The following TAS2R1 variants were observed in gnomAD, a reference collection of about 807,000 sequenced individuals.
TAS2R1 encodes the protein taste 2 receptor member 1, also known as taste receptor type 2 member 1.
For synonymous variants in TAS2R1, 141 were observed against 134.2 expected, an observed-to-expected ratio of 1.05 and a Z score of -0.35; for missense variants, 370 against 353.4, an observed-to-expected ratio of 1.05 and a Z score of -0.38.
the TAS2R1 span, among the ~76,000 whole-genome samples, chr5:9,858,427 G>A: frequency 6.6e-6 from 1 of 152,162 alleles, no homozygotes; most frequent in African/African-American, 2.4e-5. Context: ...GAAGTTGGGG[G>A]CAGTGATGCA....
At chr5:9,775,573 C>G in the TAS2R1 span, among the ~76,000 whole-genome samples, 1 of 152,186 alleles carries the variant, frequency 6.6e-6, no homozygotes, top group Non-Finnish European at 1.5e-5. Context: ...GAGTCTCACC[C>G]AGGGCCCACA....
At chr5:9,845,077 A>T in the TAS2R1 span, among the ~76,000 whole-genome samples, 1 of 152,152 alleles carries the variant, frequency 6.6e-6, no homozygotes, top group African/African-American at 2.4e-5. Context: ...TTGAAGCCCT[A>T]ATGCCCAATG....
At chr5:9,646,444 G>A (rs1005926063) in intron 2 of TAS2R1, among the ~76,000 whole-genome samples, 1 of 152,146 alleles carries the variant, frequency 6.6e-6, no homozygotes, top group South Asian at 2.1e-4. Flanking sequence ...ATATGTGGCT[G>A]CACAACCATT....
chr5:9,734,775 C>T, the TAS2R1 span, among the ~76,000 whole-genome samples: 3,479 of 151,738 alleles, frequency 0.023, 164 homozygotes, highest in African/African-American at 0.071. Flanking sequence ...ACAGGCCACA[C>T]CCCCCACCAC....
chr5:9,656,887 T>C (rs1294637718), intron 2 of TAS2R1, among the ~76,000 whole-genome samples: 1 of 152,222 alleles, frequency 6.6e-6, no homozygotes, highest in Non-Finnish European at 1.5e-5. Context: ...GTTAATGGCA[T>C]CTCTTTGTTC....
chr5:9,718,173 G>A, the TAS2R1 span, among the ~76,000 whole-genome samples: 2 of 148,652 alleles, frequency 1.3e-5, no homozygotes, highest in African/African-American at 5.0e-5. Flanking sequence ...GTTTCGCCGT[G>A]TTGGCCAGGA....
the TAS2R1 span, among the ~76,000 whole-genome samples, chr5:9,861,409 T>C: frequency 2.2e-4 from 34 of 152,220 alleles, no homozygotes; most frequent in African/African-American, 7.0e-4. Flanking sequence ...GTTTGGATCA[T>C]TGACAGGCAA....
At chr5:9,777,025 C>G in the TAS2R1 span, among the ~76,000 whole-genome samples, 1 of 152,298 alleles carries the variant, frequency 6.6e-6, no homozygotes. Flanking sequence ...ATCATCTGAG[C>G]CTTCAGCAAG....
At chr5:9,655,299 A>C (rs1740387436) in intron 2 of TAS2R1, among the ~76,000 whole-genome samples, 2 of 152,294 alleles carry the variant, frequency 1.3e-5, no homozygotes, top group East Asian at 1.9e-4. Flanking sequence ...TATGTATCTC[A>C]ATAAAAATTA....
At chr5:9,873,943 G>A in the TAS2R1 span, among the ~76,000 whole-genome samples, 1 of 149,142 alleles carries the variant, frequency 6.7e-6, no homozygotes, top group Non-Finnish European at 1.5e-5. Context: ...GTAGGGGAGG[G>A]GGAGACAGAA....
the TAS2R1 span, among the ~76,000 whole-genome samples, chr5:9,750,969 T>A: frequency 2.0e-5 from 3 of 151,834 alleles, no homozygotes; most frequent in Non-Finnish European, 4.4e-5. Context: ...ACGTATATGA[T>A]GATTGATTAA....
chr5:9,890,773 C>A, the TAS2R1 span, among the ~76,000 whole-genome samples: 17,756 of 152,168 alleles, frequency 0.12, 1,255 homozygotes, highest in African/African-American at 0.2. Context: ...AGTGAAATTT[C>A]TTGACCCTGT....
chr5:9,735,463 A>C, the TAS2R1 span, among the ~76,000 whole-genome samples: 1 of 151,550 alleles, frequency 6.6e-6, no homozygotes, highest in Non-Finnish European at 1.5e-5. Context: ...TGCTTTGTCA[A>C]ATAAAATTGA....
intron 1 of TAS2R1, among the ~76,000 whole-genome samples, chr5:9,681,650 G>A (rs1356544123): frequency 3.3e-5 from 5 of 151,486 alleles, no homozygotes; most frequent in African/African-American, 1.2e-4. Context: ...TGAAGATTCA[G>A]CTTACTTGCT....
At chr5:9,857,458 G>A in the TAS2R1 span, among the ~76,000 whole-genome samples, 1 of 152,170 alleles carries the variant, frequency 6.6e-6, no homozygotes. Flanking sequence ...AGGAAGAGTA[G>A]CTAATGGATG....
chr5:9,800,360 C>T, the TAS2R1 span, among the ~76,000 whole-genome samples: 1 of 152,150 alleles, frequency 6.6e-6, no homozygotes, highest in African/African-American at 2.4e-5. Context: ...TAGTCTTAGA[C>T]CAGACACATA....
At chr5:9,647,943 T>G (rs1161597969) in intron 2 of TAS2R1, among the ~76,000 whole-genome samples, 1 of 152,176 alleles carries the variant, frequency 6.6e-6, no homozygotes, top group Non-Finnish European at 1.5e-5. Flanking sequence ...TAGTCAACTT[T>G]ATTTTTCTAG....
chr5:9,886,576 C>T, the TAS2R1 span, among the ~76,000 whole-genome samples: 2 of 151,942 alleles, frequency 1.3e-5, no homozygotes, highest in African/African-American at 2.4e-5. Context: ...TCAGATGATC[C>T]GCCCACCTCG....
At chr5:9,737,959 G>T in the TAS2R1 span, among the ~76,000 whole-genome samples, 4 of 152,172 alleles carry the variant, frequency 2.6e-5, no homozygotes, top group Non-Finnish European at 5.9e-5. Context: ...CTCTAAGAGG[G>T]AGGGTGCATT....
Sources: gnomAD v4.1 joint callset for allele counts (sites outside exome capture counted in the v4.1 genomes callset) on GRCh38, gnomAD v4.1.1 for gene constraint, MANE v1.5 for transcripts, NCBI Gene and HGNC (gene_info 2026-07-23, HGNC 2026-07-21) for gene names.